The following AKAP8L variants were observed in gnomAD, a reference collection of about 807,000 sequenced individuals.
The protein encoded by AKAP8L is A-kinase anchor protein 8-like.
In AKAP8L, 34 loss-of-function variants were observed where a neutral mutation model predicts 77.5. That is an observed-to-expected ratio of 0.44 (90% CI 0.33 to 0.58). AKAP8L has a LOEUF of 0.58. AKAP8L is among the 20% of genes least tolerant of loss of function. The pLI is 0.02. For synonymous variants in AKAP8L, 342 were observed against 340.7 expected (o/e 1.00, Z -0.04); for missense variants, 806 against 887.6 (o/e 0.91, Z 1.17).
chr19:15,414,555 C>A (rs1321203281), intron 1 of AKAP8L, among the ~76,000 whole-genome samples: 1 of 151,976 alleles, frequency 6.6e-6, no homozygotes, highest in Non-Finnish European at 1.5e-5. Context: ...GTGGCACGAT[C>A]TTGGCTCACT....
At position 15,413,701 on chromosome 19, in the gene AKAP8L, T is replaced by C. The variant is rs1968149022; in HGVS notation, c.14-3107A>G. On this transcript the variant is annotated intron_variant, in intron 1 of 13. Transcript: ENST00000397410. Reference sequence around the variant, plus strand: ...TACCCAGCCCCTGCGGTCTCCACTGTTTGCTCAACTGGCCTCTGGAAACTT... The same window carrying C: ...TACCCAGCCCCTGCGGTCTCCACTGCTTGCTCAACTGGCCTCTGGAAACTT... 2.0e-5 allele frequency among the ~76,000 whole-genome samples: 3 copies of C among 152,184 alleles called. No individual in the cohort carries two copies. The South Asian group carries it at 6.2e-4, about 32-fold the overall frequency.
intron 2 of AKAP8L, among the ~76,000 whole-genome samples, chr19:15,408,015 C>T (rs960620417): frequency 7.9e-5 from 12 of 152,314 alleles, no homozygotes; most frequent in African/African-American, 2.4e-4. Flanking sequence ...CATTGCTGGG[C>T]GAGGCGCAGT....
intron 1 of AKAP8L, among the ~76,000 whole-genome samples, chr19:15,415,540 G>T (rs867675817): frequency 6.6e-6 from 1 of 151,656 alleles, no homozygotes; most frequent in Non-Finnish European, 1.5e-5. Flanking sequence ...GCCCAGGCTG[G>T]AGTGCAATGG....
Position 15,399,376 on chromosome 19 carries a change from G to T in AKAP8L, c.1083C>A (p.Thr361=). The change falls in exon 9 of 14, where the codon ACC becomes ACA. Residue 361 remains threonine (T), a synonymous_variant. Coordinates refer to ENST00000397410, the MANE Select transcript of AKAP8L (RefSeq NM_014371.4). The surrounding 1 kb of genome is among the most constrained non-coding windows in gnomAD (Gnocchi z 6.1). ...TCTTGCCTGCCTGCAACTTGCGCTT[G>T]GTCTGGCCATTTTCATCCTGGGTGG... ...ALTTQDENGQ[T]KRKLQAGKKS... is the part of the protein sequence containing the mutation. 6.2e-7 allele frequency: 1 copy of T among 1,613,866 alleles called. No individual in the cohort carries two copies. The highest frequency in any genetic ancestry group is 8.5e-7 in the Non-Finnish European group (1 of 1,179,848).
rs1303913504 is a variant in AKAP8L at position 15,401,940 on chromosome 19, A to G, written c.363-337T>C. On this transcript the variant is annotated intron_variant, in intron 4 of 13. Transcript: ENST00000397410. The surrounding 1 kb of genome is among the most constrained non-coding windows in gnomAD (Gnocchi z 6.2). ...CATGTACACCATCTGTGGGAGCTGC[A>G]ACGCCCAAGGCTGCTCCTCACAGGG... Among the ~76,000 whole-genome samples, 1 of 152,198 alleles carries G rather than the reference A, an allele frequency of 6.6e-6. No individual in the cohort carries two copies. The highest frequency in any genetic ancestry group is 1.5e-5 in the Non-Finnish European group (1 of 68,034).
rs751377206 is a variant in AKAP8L, at chr19:15,397,624, T to A, written c.1301A>T (p.Glu434Val). 1.9e-6 allele frequency: 3 copies of A among 1,613,938 alleles called. No homozygotes were observed. The Admixed American group carries it at 5.0e-5, about 27-fold the overall frequency. Residue 434 changes from glutamate (E) to valine (V), a missense_variant and splice_region_variant, in exon 11 of 14, where the codon GAG becomes GTG. Transcript: ENST00000397410. The surrounding 1 kb of genome is among the most constrained non-coding windows in gnomAD (Gnocchi z 4.7). ...CTTCTTGGTCTTGTTAGTGACGTACTCCTGCAAGGAATATAAAGGTTCATG... is the reference window on the plus strand; with the variant it reads ...CTTCTTGGTCTTGTTAGTGACGTACACCTGCAAGGAATATAAAGGTTCATG... ...LPKQTADFLQ[E>V]YVTNKTKKTE...
chr19:15,405,286 C>A (rs1334203655), intron 2 of AKAP8L, among the ~76,000 whole-genome samples: 1 of 152,178 alleles, frequency 6.6e-6, no homozygotes, highest in African/African-American at 2.4e-5. Context: ...GTAATCCCAG[C>A]ACTTCGGGAG....
In AKAP8L at chr19:15,399,450, C is replaced by T; in HGVS notation, c.1049-40G>A. The T allele has an allele frequency of 6.6e-7, 1 of 1,506,772 alleles. No individual in the cohort carries two copies. The highest frequency in any genetic ancestry group is 9.2e-7 in the Non-Finnish European group (1 of 1,083,078). The allele number at this position is 1,506,772 out of a possible 1,614,324, so 93.3% of individuals were successfully genotyped here. ...GGGCACTGTCACCAATTTGGCTCTGCCAGGACAGGGCAGGCCCTGCGGCCT... is the reference window on the plus strand; with the variant it reads ...GGGCACTGTCACCAATTTGGCTCTGTCAGGACAGGGCAGGCCCTGCGGCCT... On this transcript the variant is annotated intron_variant, in intron 8 of 13. Coordinates refer to ENST00000397410, the MANE Select transcript of AKAP8L (RefSeq NM_014371.4). This position sits in a 1 kb window ranked among gnomAD's most constrained non-coding sequence, Gnocchi z 6.1.
rs1353303887 is a variant in AKAP8L, at chr19:15,401,229, G to A, written c.737C>T (p.Ser246Phe). Residue 246 changes from serine (S) to phenylalanine (F), a missense_variant, in exon 5 of 14, where the codon TCC becomes TTC. Ser to Phe is a radical substitution (Grantham distance 155). This residue lies in a region of AKAP8L where 580 missense variants were observed against 694.1 expected (regional missense o/e 0.84). Coordinates refer to ENST00000397410, the MANE Select transcript of AKAP8L (RefSeq NM_014371.4). The surrounding 1 kb of genome is among the most constrained non-coding windows in gnomAD (Gnocchi z 6.2). The part of the protein sequence containing the change: ...MRGGGAFPGG[S>F]RFGFGFGNGM... ...ATTGCCAAACCCGAAACCAAAGCGG[G>A]AGCCGCCCGGGAAGGCGCCCCCACC... 1.2e-6 allele frequency: 2 copies of A among 1,613,258 alleles called. No homozygotes were observed. The highest frequency in any genetic ancestry group is 1.3e-5 in the African/African-American group (1 of 75,042).
intron 12 of AKAP8L, chr19:15,383,705 T>A (rs931409795): frequency 2.6e-5 from 4 of 152,232 alleles, no homozygotes; most frequent in African/African-American, 9.6e-5. Flanking sequence ...GTAGTAAGTT[T>A]TAGTATTTCT....
intron 12 of AKAP8L, among the ~76,000 whole-genome samples, chr19:15,394,860 T>A (rs912710630): frequency 2.6e-5 from 4 of 152,214 alleles, no homozygotes; most frequent in Non-Finnish European, 4.4e-5. Flanking sequence ...TTAGACTGTA[T>A]TCAAATTATC....
intron 1 of AKAP8L, 149 bp from the exon 2 acceptor site, chr19:15,410,743 C>A (rs942885160): frequency 4.8e-6 from 3 of 629,112 alleles, no homozygotes; most frequent in Non-Finnish European, 8.6e-6. Flanking sequence ...TTAATTAGAC[C>A]GTCAGAAAAT....
chr19:15,385,122 C>G (rs10421897), intron 12 of AKAP8L, among the ~76,000 whole-genome samples: 1 of 152,156 alleles, frequency 6.6e-6, no homozygotes, highest in Non-Finnish European at 1.5e-5. Context: ...GGACTACAGG[C>G]GCCCACCACC....
intron 2 of AKAP8L, among the ~76,000 whole-genome samples, chr19:15,406,799 G>A (rs1167424983): frequency 6.6e-6 from 1 of 152,058 alleles, no homozygotes; most frequent in Non-Finnish European, 1.5e-5. Flanking sequence ...AAAAGGACAT[G>A]GTCACAGTAT....
chr19:15,388,197 C>T (rs1967580924), intron 12 of AKAP8L, among the ~76,000 whole-genome samples: 1 of 106,362 alleles, frequency 9.4e-6, no homozygotes, highest in Admixed American at 1.3e-4. Context: ...AGAGACCTAA[C>T]TAAAAAAATC....
chr19:15,400,893 C>A (rs758324800), intron 6 of AKAP8L, 29 bp from the exon 7 acceptor site: 1 of 1,613,918 alleles, frequency 6.2e-7, no homozygotes, highest in Non-Finnish European at 8.5e-7. Flanking sequence ...TAAGCTCAAC[C>A]CAGGAGTTCC....
chr19:15,406,552 G>A (rs779316567), intron 2 of AKAP8L, among the ~76,000 whole-genome samples: 6 of 151,994 alleles, frequency 3.9e-5, no homozygotes, highest in East Asian at 1.9e-4. Context: ...CTGCATCCTC[G>A]ACTTCTTGGG....
At chr19:15,387,771 C>T (rs1967570320) in intron 12 of AKAP8L, among the ~76,000 whole-genome samples, 1 of 152,144 alleles carries the variant, frequency 6.6e-6, no homozygotes, top group Non-Finnish European at 1.5e-5. Flanking sequence ...CCAGCCTGGC[C>T]AACATGGTGA....
chr19:15,390,083 T>C (rs1339741417), intron 12 of AKAP8L, among the ~76,000 whole-genome samples: 1 of 151,452 alleles, frequency 6.6e-6, no homozygotes, highest in Non-Finnish European at 1.5e-5. Context: ...ATATACCCTA[T>C]AACAAGTGGA....
Sources: allele counts gnomAD v4.1 joint callset (sites outside exome capture counted in the v4.1 genomes callset), GRCh38; gene constraint gnomAD v4.1.1; regional missense constraint gnomAD v4.1.1; non-coding constraint Gnocchi (gnomAD v3.1); transcripts MANE v1.5; gene names NCBI Gene and HGNC (gene_info 2026-07-23, HGNC 2026-07-21).